Variants in AAK1 observed in about 807,000 individuals in gnomAD.
The protein encoded by AAK1 is AP2-associated protein kinase 1.
A neutral mutation model predicts 116.0 loss-of-function variants in AAK1; 37 were observed. That is an observed-to-expected ratio of 0.32 (90% CI 0.25 to 0.42). The LOEUF is 0.42. Among genes scored for constraint, AAK1 ranks in the 10% least tolerant of loss-of-function variants. The pLI, the probability that AAK1 is intolerant of heterozygous loss-of-function variation, is 1.00. For missense variants in AAK1, 919 were observed against 1,170.6 expected (o/e 0.79, Z 3.14); for synonymous variants, 458 against 439.9 (o/e 1.04, Z -0.51).
intron 4 of AAK1, among the ~76,000 whole-genome samples, chr2:69,543,937 T>C (rs1670825912): frequency 1.3e-5 from 2 of 152,200 alleles, no homozygotes. Flanking sequence ...GCTGCATCAT[T>C]TGAATATAGC....
At chr2:69,480,783 C>T (rs1273178715) in intron 19 of AAK1, 77 bp downstream of exon 19, 2 of 1,291,000 alleles carry the variant, frequency 1.5e-6, no homozygotes, top group Non-Finnish European at 2.1e-6. Flanking sequence ...CCAGGAACGA[C>T]TGAGCCAGGT....
chr2:69,617,791 T>C (rs892800708), intron 2 of AAK1, among the ~76,000 whole-genome samples: 2 of 152,206 alleles, frequency 1.3e-5, no homozygotes, highest in African/African-American at 2.4e-5. Context: ...ATTAGGAGTA[T>C]AGAAGAGGCC....
In AAK1 at chr2:69,469,607, G is replaced by A; in HGVS notation, c.*6262C>T. ...ATAGCAGATACCCTGTGGCCATAGA[G>A]CTCAGTAAACACTGCCTGTTGTACC... On this transcript the variant is annotated 3_prime_UTR_variant, in exon 22 of 22. Transcript: ENST00000409085. The A allele has an allele frequency of 1.0e-6, 1 of 985,448 alleles. No homozygotes were observed. The highest frequency in any genetic ancestry group is 1.2e-6 in the Non-Finnish European group (1 of 829,968). 61.0% of individuals were successfully genotyped at this position (985,448 alleles called of 1,614,324 possible).
chr2:69,518,472 T>C (rs1409279962), intron 12 of AAK1, among the ~76,000 whole-genome samples: 2 of 148,428 alleles, frequency 1.3e-5, no homozygotes, highest in Non-Finnish European at 3.0e-5. Flanking sequence ...CAGGCTGGAG[T>C]GCAATGGCAC....
chr2:69,466,249 C>T lies in AAK1; in HGVS notation c.*9620G>A, dbSNP rs1414134501. On this transcript the variant is annotated 3_prime_UTR_variant, in exon 22 of 22. Coordinates refer to ENST00000409085, the MANE Select transcript of AAK1 (RefSeq NM_014911.5). Reference sequence around the variant, plus strand: ...GGTGGAGCGAATGGAACGGCTCCTCCCAGCTTCCCCGGGGGGGGTCTGCAG... The same window carrying T: ...GGTGGAGCGAATGGAACGGCTCCTCTCAGCTTCCCCGGGGGGGGTCTGCAG... The T allele has an allele frequency of 2.3e-6, 3 of 1,289,696 alleles. No homozygotes were observed. Among genetic ancestry groups the T allele is most frequent in the African/African-American group, 1.5e-5 (1 of 65,860 alleles). The allele number at this position is 1,289,696 out of a possible 1,614,324, so 79.9% of individuals were successfully genotyped here.
chr2:69,630,671 A>G (rs1370634435), intron 2 of AAK1, among the ~76,000 whole-genome samples: 1 of 152,218 alleles, frequency 6.6e-6, no homozygotes, highest in Non-Finnish European at 1.5e-5. Flanking sequence ...GATTCCAGCC[A>G]AGGGCTATTT....
intron 2 of AAK1, among the ~76,000 whole-genome samples, chr2:69,614,307 G>T (rs564645822): frequency 1.3e-5 from 2 of 152,160 alleles, no homozygotes; most frequent in South Asian, 4.1e-4. Flanking sequence ...GAAGAGGAAA[G>T]GCTCATTGAA....
Position 69,471,890 on chromosome 2 carries a change from A to G in AAK1, c.*3979T>C, listed in dbSNP as rs1674694372. 4.1e-6 allele frequency: 4 copies of G among 985,108 alleles called. No individual in the cohort carries two copies. The highest frequency in any genetic ancestry group is 4.8e-6 in the Non-Finnish European group (4 of 829,734). 61.0% of individuals were successfully genotyped at this position (985,108 alleles called of 1,614,324 possible). On this transcript the variant is annotated 3_prime_UTR_variant, in exon 22 of 22. Coordinates refer to ENST00000409085, the MANE Select transcript of AAK1 (RefSeq NM_014911.5). ...TAGGAAATAAGTAATCAAAACAACC[A>G]AAAGTATTAATAATAAAACAAATAT...
chr2:69,473,598 G>A lies in AAK1; in HGVS notation c.*2271C>T. 1 of 985,114 alleles carries A rather than the reference G, an allele frequency of 1.0e-6. No individual in the cohort carries two copies. Among genetic ancestry groups the A allele is most frequent in the Non-Finnish European group, 1.2e-6 (1 of 829,590 alleles). 61.0% of individuals were successfully genotyped at this position (985,114 alleles called of 1,614,324 possible). A position where few individuals can be genotyped will look rare whatever the true frequency, so the allele number is the denominator to read the frequency against. ...TAAGCTTTACTGAGCCAAATGACTA[G>A]ATAATATATTTCAATGTAATTATGG... On this transcript the variant is annotated 3_prime_UTR_variant, in exon 22 of 22. Transcript: ENST00000409085.
At chr2:69,514,105 A>G (rs948887165) in intron 13 of AAK1, among the ~76,000 whole-genome samples, 7 of 152,220 alleles carry the variant, frequency 4.6e-5, no homozygotes, top group South Asian at 2.1e-4. Flanking sequence ...AAAGGGCACA[A>G]TGGATCAAAC....
intron 3 of AAK1, among the ~76,000 whole-genome samples, chr2:69,554,683 T>A (rs1671317052): frequency 6.6e-6 from 1 of 152,200 alleles, no homozygotes; most frequent in Non-Finnish European, 1.5e-5. Context: ...AATATTAGCA[T>A]GTTATTTAGA....
At chr2:69,498,698 T>C (rs1675852976) in intron 16 of AAK1, among the ~76,000 whole-genome samples, 1 of 152,256 alleles carries the variant, frequency 6.6e-6, no homozygotes, top group South Asian at 2.1e-4. Flanking sequence ...AAGGTGGGAT[T>C]GCTGGATGGA....
At chr2:69,630,852 G>C (rs904479091) in intron 2 of AAK1, among the ~76,000 whole-genome samples, 2 of 152,156 alleles carry the variant, frequency 1.3e-5, no homozygotes, top group African/African-American at 4.8e-5. Flanking sequence ...GTCAAGCCAA[G>C]ATTTTTCTCT....
chr2:69,539,470 G>T (rs1670613191), intron 5 of AAK1, among the ~76,000 whole-genome samples: 1 of 152,150 alleles, frequency 6.6e-6, no homozygotes, highest in Non-Finnish European at 1.5e-5. Context: ...GTGCCCACCA[G>T]CCACATTTCT....
chr2:69,502,414 G>T (rs776315553), intron 16 of AAK1, among the ~76,000 whole-genome samples: 11 of 152,130 alleles, frequency 7.2e-5, no homozygotes, highest in Non-Finnish European at 1.5e-4. Context: ...CTGAGGTCAG[G>T]AGTTCAAGAC....
In AAK1 at chr2:69,469,347, C is replaced by G; in HGVS notation, c.*6522G>C. 2.0e-6 allele frequency: 2 copies of G among 985,426 alleles called. No individual in the cohort carries two copies. Among genetic ancestry groups the G allele is most frequent in the African/African-American group, 3.5e-5 (2 of 57,344 alleles). The allele number at this position is 985,426 out of a possible 1,614,324, so 61.0% of individuals were successfully genotyped here. On this transcript the variant is annotated 3_prime_UTR_variant, in exon 22 of 22. Coordinates refer to ENST00000409085, the MANE Select transcript of AAK1 (RefSeq NM_014911.5). ...GAGAGAAGGATAAATTCCAAATATA[C>G]TAGAAACAGAAGGTAACCATTAAAT...
intron 17 of AAK1, among the ~76,000 whole-genome samples, chr2:69,494,403 G>A (rs1257258673): frequency 6.6e-6 from 1 of 152,182 alleles, no homozygotes; most frequent in Non-Finnish European, 1.5e-5. Flanking sequence ...GAGGACTCCT[G>A]TGACAGCTGC....
chr2:69,627,566 A>G (rs1273564349), intron 2 of AAK1, among the ~76,000 whole-genome samples: 2 of 152,212 alleles, frequency 1.3e-5, no homozygotes, highest in Non-Finnish European at 2.9e-5. Flanking sequence ...AGAAGAAACT[A>G]TGTTCTATGC....
chr2:69,618,719 T>C (rs1443461864), intron 2 of AAK1, among the ~76,000 whole-genome samples: 1 of 152,164 alleles, frequency 6.6e-6, no homozygotes, highest in African/African-American at 2.4e-5. Flanking sequence ...CTACCATCTT[T>C]CTGGGTGGTC....
Sources: allele counts gnomAD v4.1 joint callset (sites outside exome capture counted in the v4.1 genomes callset), GRCh38; gene constraint gnomAD v4.1.1; transcripts MANE v1.5; gene names NCBI Gene and HGNC (gene_info 2026-07-23, HGNC 2026-07-21).